Variants in ADAMTSL3 observed in about 807,000 individuals in gnomAD.
ADAMTSL3 encodes ADAMTS like 3.
Under a neutral mutation model 201.7 loss-of-function variants are expected in ADAMTSL3, and 128 were observed. The observed-to-expected ratio is 0.63, with a 90% CI of 0.55 to 0.73. The LOEUF is 0.73. Ranked by LOEUF, ADAMTSL3 falls within the 30% of genes least tolerant of loss-of-function variation. ADAMTSL3 has a pLI of 0.00. For synonymous variants in ADAMTSL3, 738 were observed against 748.4 expected (o/e 0.99, Z 0.23); for missense variants, 1,990 against 2,119.6 (o/e 0.94, Z 1.20).
chr15:83,679,151 A>T (rs1430133081), intron 2 of ADAMTSL3, among the ~76,000 whole-genome samples: 1 of 151,922 alleles, frequency 6.6e-6, no homozygotes, highest in African/African-American at 2.4e-5. Context: ...TAAATTTAAG[A>T]TATTGCGTTT....
chr15:83,736,442 C>G (rs2062370862), intron 3 of ADAMTSL3, among the ~76,000 whole-genome samples: 1 of 152,044 alleles, frequency 6.6e-6, no homozygotes, highest in Non-Finnish European at 1.5e-5. Context: ...TGTGATAGCC[C>G]TGGAAAAGAA....
chr15:83,803,968 C>T (rs1005043921), intron 4 of ADAMTSL3, among the ~76,000 whole-genome samples: 1 of 152,090 alleles, frequency 6.6e-6, no homozygotes, highest in Admixed American at 6.6e-5. Flanking sequence ...CATGGTGTAA[C>T]CCCGTCTCTA....
chr15:83,690,148 A>G (rs543141195), intron 2 of ADAMTSL3, among the ~76,000 whole-genome samples: 1 of 152,070 alleles, frequency 6.6e-6, no homozygotes, highest in African/African-American at 2.4e-5. Context: ...TTGCCCCATC[A>G]TTTGTCTCCT....
intron 5 of ADAMTSL3, among the ~76,000 whole-genome samples, 157 bp downstream of exon 5, chr15:83,804,852 T>C (rs1321351954): frequency 1.3e-5 from 2 of 152,196 alleles, no homozygotes; most frequent in African/African-American, 2.4e-5. Flanking sequence ...ATATCAAATA[T>C]CTTCCATTTA....
At chr15:83,706,860 G>A (rs1241269108) in intron 3 of ADAMTSL3, among the ~76,000 whole-genome samples, 2 of 150,670 alleles carry the variant, frequency 1.3e-5, no homozygotes, top group Non-Finnish European at 2.9e-5. Flanking sequence ...GTAGAAATGA[G>A]GTTTTGCTAT....
intron 2 of ADAMTSL3, among the ~76,000 whole-genome samples, chr15:83,656,967 G>T (rs1205851746): frequency 6.6e-6 from 1 of 152,130 alleles, no homozygotes; most frequent in Non-Finnish European, 1.5e-5. Context: ...ACAAAGAACT[G>T]GTCAGCAAGG....
At chr15:83,865,551 G>A (rs1389862093) in intron 8 of ADAMTSL3, among the ~76,000 whole-genome samples, 1 of 151,934 alleles carries the variant, frequency 6.6e-6, no homozygotes, top group Admixed American at 6.5e-5. Flanking sequence ...GGGAAAACTG[G>A]CTAGCCATAT....
intron 2 of ADAMTSL3, among the ~76,000 whole-genome samples, chr15:83,682,951 T>G (rs1323961827): frequency 6.6e-6 from 1 of 152,230 alleles, no homozygotes; most frequent in Non-Finnish European, 1.5e-5. Flanking sequence ...TGGACTAAAC[T>G]GCCTAGTGGT....
rs765720165 is a variant in ADAMTSL3, at chr15:83,819,911, A to G, written c.464A>G (p.Asn155Ser). 6.2e-7 allele frequency: 1 copy of G among 1,614,116 alleles called. No individual in the cohort carries two copies. The highest frequency in any genetic ancestry group is 1.1e-5 in the South Asian group (1 of 91,082). Reference sequence around the variant, plus strand: ...TACTATGAATGGCTTCCACGATATAATGATCCTGCTGCCCCGTGTGCACTC... The same window carrying G: ...TACTATGAATGGCTTCCACGATATAGTGATCCTGCTGCCCCGTGTGCACTC... ...GHYYEWLPRY[N>S]DPAAPCALKC... The change falls in exon 6 of 30, where the codon AAT becomes AGT. Residue 155 changes from asparagine (N) to serine (S), a missense_variant. Asn to Ser is a conservative substitution (Grantham distance 46). Transcript: ENST00000286744.
At chr15:83,714,845 T>C (rs2061986589) in intron 3 of ADAMTSL3, among the ~76,000 whole-genome samples, 2 of 105,262 alleles carry the variant, frequency 1.9e-5, no homozygotes, top group African/African-American at 3.4e-5. Flanking sequence ...TTTCTTTCTC[T>C]CTCTTTCCCT....
At chr15:83,867,289 C>T (rs2064998271) in intron 8 of ADAMTSL3, among the ~76,000 whole-genome samples, 1 of 152,148 alleles carries the variant, frequency 6.6e-6, no homozygotes. Flanking sequence ...TTACATACTG[C>T]CTAGAGGTGT....
chr15:83,679,157 C>T (rs747219786), intron 2 of ADAMTSL3, among the ~76,000 whole-genome samples: 3 of 151,850 alleles, frequency 2.0e-5, no homozygotes, highest in South Asian at 2.1e-4. Flanking sequence ...TAAGATATTG[C>T]GTTTTCAGTT....
intron 17 of ADAMTSL3, among the ~76,000 whole-genome samples, chr15:83,939,881 C>G (rs1006227333): frequency 3.9e-5 from 6 of 152,152 alleles, no homozygotes; most frequent in Non-Finnish European, 7.3e-5. Flanking sequence ...CTCAGCCTCC[C>G]AAAGTGATGG....
chr15:83,773,108 A>C (rs1410159556), intron 3 of ADAMTSL3, among the ~76,000 whole-genome samples: 1 of 152,184 alleles, frequency 6.6e-6, no homozygotes, highest in African/African-American at 2.4e-5. Flanking sequence ...AGTCATTCCA[A>C]AGCTAAGCAT....
At chr15:83,878,613 CA>C (rs34434953) in intron 9 of ADAMTSL3, among the ~76,000 whole-genome samples, 69,394 of 147,136 alleles carry the variant, frequency 0.47, 18,202 homozygotes, top group East Asian at 0.71. Context: ...GACGCCATTT[CA>C]AAAAAAAAAA....
intron 3 of ADAMTSL3, among the ~76,000 whole-genome samples, chr15:83,760,607 T>A (rs1215528172): frequency 6.6e-6 from 1 of 152,148 alleles, no homozygotes; most frequent in Non-Finnish European, 1.5e-5. Context: ...ACCATCATTA[T>A]GGATTTTTCT....
chr15:83,691,557 C>G (rs145159871), intron 2 of ADAMTSL3, among the ~76,000 whole-genome samples: 23 of 152,336 alleles, frequency 1.5e-4, no homozygotes, highest in African/African-American at 5.5e-4. Flanking sequence ...TTCCAAATAT[C>G]TACTACTAAT....
chr15:83,952,213 C>T (rs2066770464), intron 19 of ADAMTSL3, among the ~76,000 whole-genome samples: 1 of 152,040 alleles, frequency 6.6e-6, no homozygotes, highest in Non-Finnish European at 1.5e-5. Flanking sequence ...TTTATTGACC[C>T]ACTTGTCATT....
intron 3 of ADAMTSL3, among the ~76,000 whole-genome samples, chr15:83,744,928 C>T (rs914458943): frequency 6.6e-6 from 1 of 152,218 alleles, no homozygotes; most frequent in Non-Finnish European, 1.5e-5. Context: ...GGGCGGGTCC[C>T]TGGCAAAGGC....
Sources: allele counts gnomAD v4.1 joint callset (sites outside exome capture counted in the v4.1 genomes callset), GRCh38; gene constraint gnomAD v4.1.1; transcripts MANE v1.5; gene names NCBI Gene and HGNC (gene_info 2026-07-23, HGNC 2026-07-21).